The following GSG1L variants were observed in gnomAD, a reference collection of about 807,000 sequenced individuals.
GSG1L encodes the protein GSG1 like, also known as germ cell-specific gene 1-like protein.
Under a neutral mutation model 42.1 loss-of-function variants are expected in GSG1L, and 24 were observed. That is an observed-to-expected ratio of 0.57 (90% CI 0.41 to 0.80). GSG1L has a LOEUF of 0.80. Among genes scored for constraint, GSG1L ranks in the 30% least tolerant of loss-of-function variants. GSG1L has a pLI of 0.00. For missense variants in GSG1L, 445 were observed against 472.2 expected (o/e 0.94, Z 0.53); for synonymous variants, 215 against 203.5 (o/e 1.06, Z -0.48).
intron 1 of GSG1L, among the ~76,000 whole-genome samples, chr16:27,999,698 G>T (rs2085560875): frequency 6.6e-6 from 1 of 152,182 alleles, no homozygotes; most frequent in African/African-American, 2.4e-5. Flanking sequence ...TGTTTGGGTA[G>T]TTAATACTAG....
intron 3 of GSG1L, among the ~76,000 whole-genome samples, chr16:27,882,275 C>T (rs2083967959): frequency 6.6e-6 from 1 of 152,172 alleles, no homozygotes; most frequent in African/African-American, 2.4e-5. Flanking sequence ...GCCTCCCCAG[C>T]CATGTGGATC....
chr16:27,838,455 G>A (rs2083343987), intron 4 of GSG1L, among the ~76,000 whole-genome samples: 1 of 152,170 alleles, frequency 6.6e-6, no homozygotes, highest in Non-Finnish European at 1.5e-5. Context: ...GGCACACGGA[G>A]CTGCGTGGGT....
intron 4 of GSG1L, among the ~76,000 whole-genome samples, chr16:27,832,678 C>T (rs2083285405): frequency 6.6e-6 from 1 of 152,196 alleles, no homozygotes; most frequent in Non-Finnish European, 1.5e-5. Context: ...AATAATATCT[C>T]ATTGTGGCTT....
intron 4 of GSG1L, among the ~76,000 whole-genome samples, chr16:27,841,450 G>T (rs1411967130): frequency 6.6e-6 from 1 of 152,228 alleles, no homozygotes; most frequent in Non-Finnish European, 1.5e-5. Flanking sequence ...AGCTTCCAGA[G>T]ACCCTGCAGC....
At chr16:27,845,986 T>C (rs1162938152) in intron 3 of GSG1L, among the ~76,000 whole-genome samples, 2 of 151,814 alleles carry the variant, frequency 1.3e-5, no homozygotes, top group East Asian at 3.9e-4. Context: ...CACTGCAAGC[T>C]CCACCTCCCA....
intron 2 of GSG1L, among the ~76,000 whole-genome samples, chr16:27,901,119 C>A (rs71389816): frequency 4.6e-5 from 7 of 152,100 alleles, no homozygotes; most frequent in African/African-American, 1.7e-4. Context: ...CAGAGCGAGA[C>A]GCTGTCTCAA....
At chr16:27,991,449 A>G (rs11860506) in intron 1 of GSG1L, among the ~76,000 whole-genome samples, 116,829 of 151,104 alleles carry the variant, frequency 0.77, 45,492 homozygotes, top group South Asian at 0.88. Flanking sequence ...TCTATTGCCC[A>G]GGCTGGAGTG....
chr16:27,791,400 TC>T lies in GSG1L; in HGVS notation c.965del (p.Arg322HisfsTer99). ...SSAQEAPELN[R>X]QCWVLGHWV ...CCCAGTGCCCCAAGACCCAGCACTGTCGGTTCAGCTCTGGTGCTTCCTGTGC... is the reference window on the plus strand; with the variant it reads ...CCCAGTGCCCCAAGACCCAGCACTGTGGTTCAGCTCTGGTGCTTCCTGTGC... On this transcript the variant is annotated frameshift_variant, in exon 7 of 7. Coordinates refer to ENST00000447459, the MANE Select transcript of GSG1L (RefSeq NM_001109763.2). LOFTEE classifies it high-confidence loss of function. 6.6e-7 allele frequency: 1 copy of T among 1,516,404 alleles called. No homozygotes were observed. The highest frequency in any genetic ancestry group is 8.9e-7 in the Non-Finnish European group (1 of 1,127,156). 93.9% of individuals were successfully genotyped at this position (1,516,404 alleles called of 1,614,324 possible).
chr16:27,812,180 C>G (rs1057042652), intron 5 of GSG1L, among the ~76,000 whole-genome samples: 6 of 152,176 alleles, frequency 3.9e-5, no homozygotes, highest in Non-Finnish European at 7.3e-5. Flanking sequence ...TAACACCTGC[C>G]GAGGAGAGAG....
intron 3 of GSG1L, among the ~76,000 whole-genome samples, chr16:27,862,086 C>G (rs2083660516): frequency 1.3e-5 from 2 of 152,310 alleles, no homozygotes; most frequent in East Asian, 1.9e-4. Flanking sequence ...AGGAGCAACT[C>G]TAAGGTGATC....
intron 6 of GSG1L, among the ~76,000 whole-genome samples, chr16:27,802,376 T>G (rs1028574763): frequency 1.1e-4 from 16 of 152,146 alleles, no homozygotes; most frequent in African/African-American, 3.9e-4. Context: ...CCCTCAGCTC[T>G]GACCACAGAG....
chr16:27,865,568 TATATACACAC>T (rs1188021784), intron 3 of GSG1L, among the ~76,000 whole-genome samples: 210 of 20,846 alleles, frequency 0.01, 11 homozygotes, highest in African/African-American at 0.019. Flanking sequence ...TATATATATA[TATATACACAC>T]ACACATACAT....
intron 1 of GSG1L, among the ~76,000 whole-genome samples, chr16:28,025,551 C>G (rs1240734310): frequency 6.6e-6 from 1 of 152,258 alleles, no homozygotes; most frequent in Non-Finnish European, 1.5e-5. Context: ...GCCCCCAACG[C>G]TGCTGGGCCC....
Position 27,888,495 on chromosome 16 carries a change from CT to C in GSG1L, c.398-3858del, listed in dbSNP as rs1567505928. ...CTCTCTCTCTTTCCTTTCTTTCTTT[CT>C]TTCTTTCTTTCTTTCTTTCTTTCTT... On this transcript the variant is annotated intron_variant, in intron 2 of 6. Transcript: ENST00000447459. 3.2e-3 allele frequency among the ~76,000 whole-genome samples: 19 copies of C among 6,004 alleles called. 1 individual carries two copies. The highest frequency in any genetic ancestry group is 5.8e-3 in the African/African-American group (14 of 2,414). The allele number at this position is 6,004 out of a possible 152,430, so 3.9% of individuals were successfully genotyped here. A position where few individuals can be genotyped will look rare whatever the true frequency, so the allele number is the denominator to read the frequency against.
chr16:27,866,127 A>G (rs1398671363), intron 3 of GSG1L, among the ~76,000 whole-genome samples: 2 of 151,680 alleles, frequency 1.3e-5, no homozygotes, highest in African/African-American at 4.8e-5. Flanking sequence ...ATATCTCTGT[A>G]TGTCCTGTAT....
At chr16:27,955,208 T>A (rs1339445145) in intron 2 of GSG1L, among the ~76,000 whole-genome samples, 1 of 151,860 alleles carries the variant, frequency 6.6e-6, no homozygotes, top group South Asian at 2.1e-4. Context: ...AAAATTAATA[T>A]CATTGGAGAA....
At chr16:27,927,988 A>G (rs956482538) in intron 2 of GSG1L, among the ~76,000 whole-genome samples, 2 of 152,034 alleles carry the variant, frequency 1.3e-5, no homozygotes, top group Admixed American at 6.6e-5. Context: ...TCATTTCCTC[A>G]TTGCTTAAGT....
intron 4 of GSG1L, among the ~76,000 whole-genome samples, chr16:27,835,504 G>A (rs575456667): frequency 6.6e-6 from 1 of 151,866 alleles, no homozygotes; most frequent in East Asian, 1.9e-4. Context: ...CATTTAAAGT[G>A]ATTATTGATA....
chr16:27,977,827 G>C (rs2085268726), intron 1 of GSG1L, among the ~76,000 whole-genome samples: 1 of 152,074 alleles, frequency 6.6e-6, no homozygotes, highest in Non-Finnish European at 1.5e-5. Flanking sequence ...TTCCAGAATT[G>C]GACCTAGATA....
Sources: allele counts gnomAD v4.1 joint callset (sites outside exome capture counted in the v4.1 genomes callset), GRCh38; gene constraint gnomAD v4.1.1; transcripts MANE v1.5; gene names NCBI Gene and HGNC (gene_info 2026-07-23, HGNC 2026-07-21).